Variants in PRICKLE2 observed in about 807,000 individuals in gnomAD.
PRICKLE2 encodes prickle-like protein 2.
In PRICKLE2, 21 loss-of-function variants were observed where a neutral mutation model predicts 81.4. The observed-to-expected ratio is 0.26, with a 90% CI of 0.18 to 0.37. The LOEUF is 0.37. Ranked by LOEUF, PRICKLE2 falls within the 10% of genes least tolerant of loss-of-function variation. The probability of loss-of-function intolerance (pLI) is 1.00; values close to 1 mark genes in which losing one functional copy is unlikely to be tolerated. For synonymous variants in PRICKLE2, 456 were observed against 421.5 expected (o/e 1.08, Z -1.00); for missense variants, 940 against 1,109.0 (o/e 0.85, Z 2.16).
At chr3:64,113,802 A>G (rs972038449) in intron 7 of PRICKLE2, among the ~76,000 whole-genome samples, 14 of 151,862 alleles carry the variant, frequency 9.2e-5, no homozygotes, top group African/African-American at 3.1e-4. Flanking sequence ...CTTGCAGGGC[A>G]CAGAGAAGGC....
At chr3:64,134,549 CT>C (rs2077248244) in intron 7 of PRICKLE2, among the ~76,000 whole-genome samples, 1 of 151,530 alleles carries the variant, frequency 6.6e-6, no homozygotes, top group Non-Finnish European at 1.5e-5. Context: ...AGCGGCACCC[CT>C]GATCTCTACC....
intron 2 of PRICKLE2, among the ~76,000 whole-genome samples, chr3:64,198,349 G>C (rs1444361623): frequency 6.6e-6 from 1 of 152,092 alleles, no homozygotes; most frequent in Non-Finnish European, 1.5e-5. Context: ...ATGTGTCAGA[G>C]GAAGTCAACA....
chr3:64,122,739 C>T (rs747806198), intron 7 of PRICKLE2, among the ~76,000 whole-genome samples: 10 of 152,146 alleles, frequency 6.6e-5, no homozygotes, highest in Admixed American at 1.3e-4. Context: ...TTACTCCTCC[C>T]GCCAAATCCT....
chr3:64,123,687 G>C (rs1455234592), intron 7 of PRICKLE2, among the ~76,000 whole-genome samples: 1 of 151,970 alleles, frequency 6.6e-6, no homozygotes, highest in East Asian at 1.9e-4. Context: ...GGTCATCTAT[G>C]GTCAGTAATC....
intron 7 of PRICKLE2, among the ~76,000 whole-genome samples, chr3:64,134,227 G>A (rs991612182): frequency 2.0e-5 from 3 of 152,164 alleles, no homozygotes; most frequent in Non-Finnish European, 2.9e-5. Flanking sequence ...TTTCAACCAG[G>A]TCAACTGGGC....
intron 1 of PRICKLE2, among the ~76,000 whole-genome samples, chr3:64,209,084 C>T (rs2078742241): frequency 6.6e-6 from 1 of 152,094 alleles, no homozygotes; most frequent in African/African-American, 2.4e-5. Context: ...TCCTTAAATA[C>T]ATACATATCT....
At chr3:64,128,565 G>A (rs900520925) in intron 7 of PRICKLE2, among the ~76,000 whole-genome samples, 1 of 152,082 alleles carries the variant, frequency 6.6e-6, no homozygotes, top group African/African-American at 2.4e-5. Flanking sequence ...GGCCAACAGA[G>A]TGAAACCCCA....
chr3:64,152,233 C>T (rs58280875), intron 6 of PRICKLE2, among the ~76,000 whole-genome samples: 1,567 of 152,204 alleles, frequency 0.01, 29 homozygotes, highest in African/African-American at 0.035. Flanking sequence ...GGTAAGAAAT[C>T]GGCAGCTTCT....
In PRICKLE2 at chr3:64,147,275, G is replaced by T. The variant is rs780374742; in HGVS notation, c.1215C>A (p.Asn405Lys). Residue 405 changes from asparagine (N) to lysine (K), a missense_variant, in exon 7 of 8, where the codon AAC becomes AAA. By Grantham distance (94) the Asn-to-Lys change is moderately conservative (BLOSUM62 0). Coordinates refer to ENST00000638394, the MANE Select transcript of PRICKLE2 (RefSeq NM_198859.4). This position sits in a 1 kb window ranked among gnomAD's most constrained non-coding sequence, Gnocchi z 5.0. ...RSREEPYHYG[N>K]KMEQNQTQSP... ...TCTGGGTCTGGTTCTGCTCCATCTT[G>T]TTCCCATAATGGTAGGGCTCTTCCC... 9 of 1,612,544 alleles carry T rather than the reference G, an allele frequency of 5.6e-6. No individual in the cohort carries two copies. In the South Asian group the frequency reaches 7.7e-5, roughly 14 times the overall value.
At chr3:64,116,246 G>A (rs897717069) in intron 7 of PRICKLE2, among the ~76,000 whole-genome samples, 1 of 152,066 alleles carries the variant, frequency 6.6e-6, no homozygotes, top group Non-Finnish European at 1.5e-5. Flanking sequence ...CAAAAAGTTA[G>A]AAAGATCTCA....
At chr3:64,261,921 G>T (rs1020329797) in intron 2 of PRICKLE2, among the ~76,000 whole-genome samples, 2 of 152,194 alleles carry the variant, frequency 1.3e-5, no homozygotes, top group Non-Finnish European at 2.9e-5. Flanking sequence ...GAACCACTAG[G>T]TGTTTGGGAA....
At chr3:64,168,056 G>T (rs1338617977) in intron 2 of PRICKLE2, among the ~76,000 whole-genome samples, 1 of 152,150 alleles carries the variant, frequency 6.6e-6, no homozygotes, top group Admixed American at 6.5e-5. Flanking sequence ...AATTTTTCAG[G>T]TGTCTCCTTC....
intron 1 of PRICKLE2, among the ~76,000 whole-genome samples, chr3:64,205,132 T>C (rs1179488451): frequency 6.6e-6 from 1 of 150,632 alleles, no homozygotes; most frequent in Non-Finnish European, 1.5e-5. Context: ...AAAGGGTGCA[T>C]TGGCTTCATT....
intron 1 of PRICKLE2, among the ~76,000 whole-genome samples, chr3:64,218,092 C>G (rs115732446): frequency 1.3e-5 from 2 of 152,074 alleles, no homozygotes; most frequent in African/African-American, 4.8e-5. Context: ...AAAACCAAGA[C>G]GGATAATGAA....
At chr3:64,250,800 A>G (rs1185195550) in intron 2 of PRICKLE2, among the ~76,000 whole-genome samples, 7 of 152,148 alleles carry the variant, frequency 4.6e-5, no homozygotes, top group Non-Finnish European at 1.0e-4. Context: ...CCAGATTGGC[A>G]TGGTCTTATA....
chr3:64,107,535 G>C (rs1004671109), intron 7 of PRICKLE2, among the ~76,000 whole-genome samples: 4 of 152,104 alleles, frequency 2.6e-5, no homozygotes, highest in African/African-American at 9.7e-5. Flanking sequence ...AGAGAGCTGT[G>C]TTTCTGCCAA....
chr3:64,168,742 G>C (rs924835650), intron 2 of PRICKLE2, among the ~76,000 whole-genome samples: 1 of 152,136 alleles, frequency 6.6e-6, no homozygotes, highest in Non-Finnish European at 1.5e-5. Flanking sequence ...AGATGGATGG[G>C]AAAGAAGGAA....
chr3:64,118,647 A>C (rs2076977829), intron 7 of PRICKLE2, among the ~76,000 whole-genome samples: 1 of 152,214 alleles, frequency 6.6e-6, no homozygotes, highest in African/African-American at 2.4e-5. Context: ...ATGATGAGAT[A>C]ACTATCTCAT....
chr3:64,116,917 T>C (rs1422932764), intron 7 of PRICKLE2, among the ~76,000 whole-genome samples: 3 of 152,076 alleles, frequency 2.0e-5, no homozygotes, highest in African/African-American at 7.2e-5. Flanking sequence ...CAGGCCAACA[T>C]CCTTGATGAA....
Sources: gnomAD v4.1 joint callset for allele counts (sites outside exome capture counted in the v4.1 genomes callset) on GRCh38, gnomAD v4.1.1 for gene constraint, Gnocchi (gnomAD v3.1) non-coding constraint, MANE v1.5 for transcripts, NCBI Gene and HGNC (gene_info 2026-07-23, HGNC 2026-07-21) for gene names.